The following ANKRD50 variants were observed in gnomAD, a reference collection of about 807,000 sequenced individuals.
ANKRD50 encodes ankyrin repeat domain 50.
Under a neutral mutation model 112.0 loss-of-function variants are expected in ANKRD50, and 40 were observed. The observed-to-expected ratio is 0.36, with a 90% confidence interval of 0.28 to 0.46. The LOEUF (loss-of-function observed/expected upper bound fraction) is 0.46. ANKRD50 is among the 20% of genes least tolerant of loss of function. ANKRD50 has a pLI of 1.00. For synonymous variants in ANKRD50, 613 were observed against 619.1 expected, an observed-to-expected ratio of 0.99 and a Z score of 0.15; for missense variants, 1,487 against 1,701.7, an observed-to-expected ratio of 0.87 and a Z score of 2.22.
At chr4:124,675,410 T>G (rs1730752379) in intron 3 of ANKRD50, among the ~76,000 whole-genome samples, 1 of 151,550 alleles carries the variant, frequency 6.6e-6, no homozygotes, top group Admixed American at 6.6e-5. Context: ...TAACAAGAAG[T>G]TTAAGCAAAT....
At chr4:124,709,425 G>C (rs768151298) in intron 2 of ANKRD50, among the ~76,000 whole-genome samples, 1 of 152,006 alleles carries the variant, frequency 6.6e-6, no homozygotes, top group Non-Finnish European at 1.5e-5. Context: ...GTAGTAAGAT[G>C]ATCCCAAATG....
chr4:124,665,921 C>A lies in ANKRD50; in HGVS notation c.*1597G>T, dbSNP rs1215717120. On this transcript the variant is annotated 3_prime_UTR_variant, in exon 5 of 5. Transcript: ENST00000504087. ...TTCTATTTCCACGAACAATGTATCA[C>A]ATGTGTCCTTCATATATGAAGATGA... 6.6e-6 allele frequency: 1 copy of A among 152,100 alleles called. No homozygotes were observed. The highest frequency in any genetic ancestry group is 1.5e-5 in the Non-Finnish European group (1 of 67,912). The allele number at this position is 152,100 out of a possible 1,614,324, so 9.4% of individuals were successfully genotyped here.
At chr4:124,704,250 G>C (rs1018204598) in intron 2 of ANKRD50, among the ~76,000 whole-genome samples, 1 of 152,146 alleles carries the variant, frequency 6.6e-6, no homozygotes, top group African/African-American at 2.4e-5. Context: ...CAATACTTAA[G>C]AATAGATAAT....
chr4:124,687,179 G>T (rs546759898), intron 2 of ANKRD50, among the ~76,000 whole-genome samples: 8 of 152,298 alleles, frequency 5.3e-5, no homozygotes, highest in African/African-American at 1.7e-4. Context: ...AAAAATTCTG[G>T]AAACAGAGCA....
In ANKRD50 at chr4:124,671,012, A is replaced by T; in HGVS notation, c.2265T>A (p.Ala755=). Residue 755 remains alanine, a synonymous_variant, in exon 4 of 5, where the codon GCT becomes GCA. Coordinates refer to ENST00000504087, the MANE Select transcript of ANKRD50 (RefSeq NM_020337.3). The part of the protein sequence containing the change: ...DKDGMTPLLV[A]AYEGHVDVVD... ...CCACATCAACATGTCCTTCATAGGC[A>T]GCTACCAGCAGTGGAGTCATGCCAT... is the stretch of plus-strand genomic sequence containing the variant. 1 of 1,613,852 alleles carries T rather than the reference A, an allele frequency of 6.2e-7. No homozygotes were observed. Among genetic ancestry groups the T allele is most frequent in the Non-Finnish European group, 8.5e-7 (1 of 1,179,866 alleles).
rs199662218 is a variant in ANKRD50, at chr4:124,709,692, TA to T, written c.512+307del. Among the ~76,000 whole-genome samples the T allele has an allele frequency of 6.5e-3, 997 of 152,246 alleles. 14 individuals are homozygous for T. Among genetic ancestry groups the T allele is most frequent in the African/African-American group, 0.022 (908 of 41,530 alleles). ...AAAATGTAACCTATTTCCAGACAGC[TA>T]AATGTGCTTCTCTACCATAAGAACA... On this transcript the variant is annotated intron_variant, in intron 2 of 4. Transcript: ENST00000504087.
At chr4:124,687,571 A>C (rs2110517643) in intron 2 of ANKRD50, among the ~76,000 whole-genome samples, 1 of 152,346 alleles carries the variant, frequency 6.6e-6, no homozygotes, top group South Asian at 2.1e-4. Context: ...GATACTGTTA[A>C]GATAATGAAA....
At chr4:124,707,859 T>C (rs1725540312) in intron 2 of ANKRD50, among the ~76,000 whole-genome samples, 1 of 152,078 alleles carries the variant, frequency 6.6e-6, no homozygotes, top group South Asian at 2.1e-4. Flanking sequence ...AACAATTGAA[T>C]AAAAGAATTA....
rs1385280997 is a variant in ANKRD50 at position 124,712,631 on chromosome 4, C to G, written c.-937G>C. On this transcript the variant is annotated 5_prime_UTR_variant, in exon 1 of 5. Transcript: ENST00000504087. Reference sequence around the variant, plus strand: ...TCCCAGCTCCGGATCCTCCTCTTGGCCCCCGGCGGCTGCCAGTTCCAGCTT... The same window carrying G: ...TCCCAGCTCCGGATCCTCCTCTTGGGCCCCGGCGGCTGCCAGTTCCAGCTT... 1 of 153,922 alleles carries G rather than the reference C, an allele frequency of 6.5e-6. No individual in the cohort carries two copies. Among genetic ancestry groups the G allele is most frequent in the African/African-American group, 2.4e-5 (1 of 41,386 alleles). The allele number at this position is 153,922 out of a possible 1,614,324, so 9.5% of individuals were successfully genotyped here.
intron 2 of ANKRD50, among the ~76,000 whole-genome samples, chr4:124,704,657 C>A (rs1325098238): frequency 2.0e-5 from 3 of 152,062 alleles, no homozygotes; most frequent in Admixed American, 6.5e-5. Context: ...TGCACTCATT[C>A]AAAAGACAGT....
At position 124,669,090 on chromosome 4, in the gene ANKRD50, C is replaced by T. The variant is rs755753253; in HGVS notation, c.4187G>A (p.Gly1396Glu). Residue 1396 changes from glycine (G) to glutamate (E), a missense_variant, in exon 4 of 5, where the codon GGA becomes GAA. This residue lies in a region of ANKRD50 where 441 missense variants were observed against 432.2 expected (regional missense o/e 1.02). Coordinates refer to ENST00000504087, the MANE Select transcript of ANKRD50 (RefSeq NM_020337.3). ...TAATTCTGTCTCTGAGGAAGGGTATCCCTCCAACACTTCCTGATGCCCTCT... is the reference window on the plus strand; with the variant it reads ...TAATTCTGTCTCTGAGGAAGGGTATTCCTCCAACACTTCCTGATGCCCTCT... Reference protein sequence around the residue: ...QDRGHQEVLEGYPSSETELSL... With the variant: ...QDRGHQEVLEEYPSSETELSL... The T allele has an allele frequency of 1.2e-6, 2 of 1,613,522 alleles. No homozygotes were observed. The highest frequency in any genetic ancestry group is 1.7e-6 in the Non-Finnish European group (2 of 1,179,702).
intron 2 of ANKRD50, among the ~76,000 whole-genome samples, chr4:124,687,344 G>T (rs1053390591): frequency 6.6e-6 from 1 of 151,828 alleles, no homozygotes; most frequent in East Asian, 1.9e-4. Context: ...CAAAAAAGAC[G>T]AACTTCAATA....
At chr4:124,698,612 G>A (rs1490995521) in intron 2 of ANKRD50, among the ~76,000 whole-genome samples, 1 of 152,150 alleles carries the variant, frequency 6.6e-6, no homozygotes, top group Non-Finnish European at 1.5e-5. Flanking sequence ...CAAGGGGTCT[G>A]TGAGGTCAAA....
In ANKRD50 at chr4:124,669,632, T is replaced by C; in HGVS notation, c.3645A>G (p.Thr1215=). Residue 1215 remains threonine, a synonymous_variant, in exon 4 of 5, where the codon ACA becomes ACG. Transcript: ENST00000504087. ...GCAATGAATGCTGCTGAATTTGTTC[T>C]GTAAATGACAAGTTATGAAAGCTAT... is the stretch of plus-strand genomic sequence containing the variant. ...PIDSFHNLSF[T]EQIQQHSLPR... 1.2e-6 allele frequency: 2 copies of C among 1,613,516 alleles called. No homozygotes were observed. The highest frequency in any genetic ancestry group is 1.7e-6 in the Non-Finnish European group (2 of 1,179,780).
intron 2 of ANKRD50, among the ~76,000 whole-genome samples, chr4:124,697,052 A>G (rs2110523189): frequency 6.6e-6 from 1 of 152,320 alleles, no homozygotes; most frequent in African/African-American, 2.4e-5. Context: ...AGAAGGATAA[A>G]GTTGCTATTT....
At position 124,710,776 on chromosome 4, in the gene ANKRD50, T is replaced by G. The variant is rs1182838617; in HGVS notation, c.-265A>C. ...AGCTCAGCAACACTTTTCCTAAATT[T>G]TAATGAGTCACATAACTCCATGGTT... On this transcript the variant is annotated 5_prime_UTR_variant, in exon 2 of 5. Transcript: ENST00000504087. 7 of 502,988 alleles carry G rather than the reference T, an allele frequency of 1.4e-5. No homozygotes were observed. Among genetic ancestry groups the G allele is most frequent in the Admixed American group, 3.5e-5 (1 of 28,466 alleles). 31.2% of individuals were successfully genotyped at this position (502,988 alleles called of 1,614,324 possible).
chr4:124,676,859 AG>A (rs1730785228), intron 3 of ANKRD50, among the ~76,000 whole-genome samples: 1 of 151,706 alleles, frequency 6.6e-6, no homozygotes, highest in African/African-American at 2.4e-5. Flanking sequence ...AAAAACATAA[AG>A]GTCAGATAGC....
rs1253987403 is a variant in ANKRD50, at chr4:124,710,651, CCT to C, written c.-142_-141del. On this transcript the variant is annotated 5_prime_UTR_variant, in exon 2 of 5. The change abolishes the stop of an existing upstream ORF in the 5' untranslated region. Transcript: ENST00000504087. ...AGTAAAATTCAACAGCCACAGAGTT[CCT>C]CTGTCAACAGAACGTGCATGACTTT... The C allele has an allele frequency of 1.0e-6, 1 of 986,930 alleles. No homozygotes were observed. The allele number at this position is 986,930 out of a possible 1,614,324, so 61.1% of individuals were successfully genotyped here.
At chr4:124,703,051 G>C (rs1044868666) in intron 2 of ANKRD50, among the ~76,000 whole-genome samples, 1 of 151,848 alleles carries the variant, frequency 6.6e-6, no homozygotes, top group Non-Finnish European at 1.5e-5. Flanking sequence ...TCTATGCATT[G>C]GTAGCCATGT....
Sources: gnomAD v4.1 joint callset for allele counts (sites outside exome capture counted in the v4.1 genomes callset) on GRCh38, gnomAD v4.1.1 for gene constraint, gnomAD v4.1.1 regional missense constraint, MANE v1.5 for transcripts, NCBI Gene and HGNC (gene_info 2026-07-23, HGNC 2026-07-21) for gene names.